UBR2: variants seen among roughly 807,000 people sequenced by gnomAD.
UBR2 encodes E3 ubiquitin-protein ligase UBR2.
UBR2 carries 92 observed loss-of-function variants against 247.9 expected under a neutral mutation model. The ratio of observed to expected loss-of-function variants is 0.37; its 90% CI spans 0.31 to 0.44. The LOEUF (loss-of-function observed/expected upper bound fraction) is 0.44, where lower values mean the gene tolerates loss of function less well. UBR2 is among the 20% of genes least tolerant of loss of function. The pLI is 1.00. For synonymous variants in UBR2, 672 were observed against 693.5 expected, an observed-to-expected ratio of 0.97 and a Z score of 0.49; for missense variants, 1,613 against 2,112.6, an observed-to-expected ratio of 0.76 and a Z score of 4.64.
chr6:42,614,322 A>ATGGG (rs202208888), intron 8 of UBR2, among the ~76,000 whole-genome samples: 3 of 43,856 alleles, frequency 6.8e-5, no homozygotes, highest in Non-Finnish European at 1.4e-4. Context: ...GGGTATGTAT[A>ATGGG]TATGTGTATA....
At chr6:42,683,155 G>T in intron 43 of UBR2, 44 bp downstream of exon 43, 1 of 1,518,510 alleles carries the variant, frequency 6.6e-7, no homozygotes, top group South Asian at 1.1e-5. Context: ...TGGGAGAAAG[G>T]GTGGAATCAG....
intron 4 of UBR2, among the ~76,000 whole-genome samples, chr6:42,603,060 T>A (rs1232549136): frequency 6.6e-6 from 1 of 152,190 alleles, no homozygotes; most frequent in Non-Finnish European, 1.5e-5. Flanking sequence ...TTAACATGCA[T>A]GCACGTCTCA....
At chr6:42,620,090 G>A (rs2151943091) in intron 11 of UBR2, 8 of 855,446 alleles carry the variant, frequency 9.4e-6, no homozygotes, top group Non-Finnish European at 9.8e-6. Context: ...GGTTCTACCA[G>A]ACTCTTTTCC....
chr6:42,675,904 C>G, intron 38 of UBR2, 152 bp from the exon 39 acceptor site: 1 of 989,276 alleles, frequency 1.0e-6, no homozygotes, highest in Non-Finnish European at 1.4e-6. Flanking sequence ...TTGCAGTGAA[C>G]CGAGGTTGCG....
intron 1 of UBR2, 111 bp downstream of exon 1, chr6:42,564,508 CT>C: frequency 2.4e-6 from 3 of 1,249,326 alleles, no homozygotes; most frequent in Non-Finnish European, 2.2e-6. Flanking sequence ...GGGGAAACAG[CT>C]GTGCCGGCCC....
intron 36 of UBR2, among the ~76,000 whole-genome samples, chr6:42,673,007 C>A (rs188188678): frequency 3.1e-4 from 47 of 152,272 alleles, no homozygotes; most frequent in African/African-American, 1.1e-3. Flanking sequence ...CATCTTTTTC[C>A]ATTAGCATAT....
At chr6:42,670,921 C>T (rs1798385922) in intron 36 of UBR2, among the ~76,000 whole-genome samples, 1 of 152,182 alleles carries the variant, frequency 6.6e-6, no homozygotes, top group Admixed American at 6.5e-5. Context: ...CGCAGTGGCC[C>T]ACGCCTGTAA....
chr6:42,609,731 A>T (rs751561674), intron 7 of UBR2, among the ~76,000 whole-genome samples: 58 of 151,938 alleles, frequency 3.8e-4, no homozygotes, highest in Middle Eastern at 3.4e-3. Flanking sequence ...CAAAAAAAAA[A>T]AATAATAACA....
Position 42,676,073 on chromosome 6 carries a change from A to G in UBR2, c.4269A>G (p.Ala1423=), listed in dbSNP as rs76389775. 1.2e-6 allele frequency: 2 copies of G among 1,612,440 alleles called. No individual in the cohort carries two copies. Among genetic ancestry groups the G allele is most frequent in the Middle Eastern group, 1.7e-4 (1 of 6,056 alleles). The change falls in exon 39 of 47, where the codon GCA becomes GCG. Residue 1423 remains alanine, a synonymous_variant. Transcript: ENST00000372901. ...GTGCCTAGGTGGGCTTGGTGCTTGC[A>G]TTTCCTGCGTTGCAGTGTCAGGATT... ...MFHLLVGLVL[A]FPALQCQDFS... is the part of the protein sequence containing the mutation.
At position 42,644,556 on chromosome 6, in the gene UBR2, G is replaced by A. The variant is rs1562350973; in HGVS notation, c.2284+20G>A. On this transcript the variant is annotated intron_variant, in intron 20 of 46. Transcript: ENST00000372901. ...TTGTTGGTAAGTTTAAATTGTTTGA[G>A]GCATTTAATAAATTACACTGACGTT... The A allele has an allele frequency of 6.3e-7, 1 of 1,592,768 alleles. No individual in the cohort carries two copies. Among genetic ancestry groups the A allele is most frequent in the Non-Finnish European group, 8.6e-7 (1 of 1,167,856 alleles).
chr6:42,671,206 A>G (rs77255453), intron 36 of UBR2, among the ~76,000 whole-genome samples: 2 of 133,370 alleles, frequency 1.5e-5, no homozygotes, highest in Non-Finnish European at 1.6e-5. Flanking sequence ...AAAAAAAAAA[A>G]TTGCAGCCTG....
At chr6:42,690,584 TTTTTC>T (rs200106409) in intron 46 of UBR2, among the ~76,000 whole-genome samples, 30 of 152,174 alleles carry the variant, frequency 2.0e-4, no homozygotes, top group Admixed American at 3.3e-4. Flanking sequence ...CTGAGGAATG[TTTTTC>T]TTTTCTTTTC....
intron 4 of UBR2, among the ~76,000 whole-genome samples, chr6:42,594,905 C>G (rs1792873973): frequency 6.6e-6 from 1 of 152,228 alleles, no homozygotes; most frequent in East Asian, 1.9e-4. Flanking sequence ...TTTTTTAAAA[C>G]TTCAAAAACT....
chr6:42,619,433 A>ATTTT, intron 11 of UBR2: 1 of 19,540 alleles, frequency 5.1e-5, no homozygotes, highest in African/African-American at 2.0e-4. Flanking sequence ...ATATATATAT[A>ATTTT]TATATATATA....
At chr6:42,623,474 C>T (rs767929377) in intron 11 of UBR2, among the ~76,000 whole-genome samples, 13 of 151,954 alleles carry the variant, frequency 8.6e-5, no homozygotes, top group Non-Finnish European at 1.5e-4. Context: ...TTTTTTGAGA[C>T]GGAGCCTCAC....
At chr6:42,588,588 C>T (rs565170340) in intron 2 of UBR2, among the ~76,000 whole-genome samples, 10 of 152,274 alleles carry the variant, frequency 6.6e-5, no homozygotes, top group African/African-American at 2.4e-4. Flanking sequence ...TTGCTCAAAC[C>T]CAGGAGTTTA....
In UBR2 at chr6:42,678,776, A is replaced by T. The variant is rs1313705973; in HGVS notation, c.4609+107A>T. The T allele has an allele frequency of 3.1e-6, 4 of 1,305,100 alleles. No homozygotes were observed. The East Asian group carries it at 9.4e-5, about 31-fold the overall frequency. The allele number at this position is 1,305,100 out of a possible 1,614,324, so 80.8% of individuals were successfully genotyped here. On this transcript the variant is annotated intron_variant, in intron 41 of 46. Transcript: ENST00000372901. ...AAAATTGACTAAAAGTTCAAAGAAT[A>T]GCTTATTGACTATGGTGATGTACAC...
chr6:42,640,318 T>C, intron 16 of UBR2, 48 bp downstream of exon 16: 1 of 1,521,502 alleles, frequency 6.6e-7, no homozygotes, highest in Non-Finnish European at 8.9e-7. Flanking sequence ...ATTATGTTCT[T>C]TGTATTTGGA....
In UBR2 at chr6:42,689,436, A is replaced by G; in HGVS notation, c.5025-133A>G. ...CAACCTATTTCCTAGTTTGTGCACA[A>G]TTTTTTAATGGATAACTTCCTCCTA... On this transcript the variant is annotated intron_variant, in intron 45 of 46. Transcript: ENST00000372901. The surrounding 1 kb of genome is among the most constrained non-coding windows in gnomAD (Gnocchi z 4.0). 3.3e-6 allele frequency: 3 copies of G among 908,454 alleles called. No homozygotes were observed. The highest frequency in any genetic ancestry group is 2.5e-5 in the East Asian group (1 of 40,250). 56.3% of individuals were successfully genotyped at this position (908,454 alleles called of 1,614,324 possible).
Sources: gnomAD v4.1 joint callset for allele counts (sites outside exome capture counted in the v4.1 genomes callset) on GRCh38, gnomAD v4.1.1 for gene constraint, Gnocchi (gnomAD v3.1) non-coding constraint, MANE v1.5 for transcripts, NCBI Gene and HGNC (gene_info 2026-07-23, HGNC 2026-07-21) for gene names.